KCNMB2: variants seen among roughly 807,000 people sequenced by gnomAD.
KCNMB2 encodes potassium calcium-activated channel subfamily M regulatory beta subunit 2.
In KCNMB2, 9 loss-of-function variants were observed where a neutral mutation model predicts 24.5. The ratio of observed to expected loss-of-function variants is 0.37; its 90% CI spans 0.22 to 0.64. KCNMB2 has a LOEUF of 0.64. Ranked by LOEUF, KCNMB2 falls within the 30% of genes least tolerant of loss-of-function variation. The pLI, the probability that KCNMB2 is intolerant of heterozygous loss-of-function variation, is 0.63. For synonymous variants in KCNMB2, 109 were observed against 104.4 expected (o/e 1.04, Z -0.27); for missense variants, 226 against 284.3 (o/e 0.79, Z 1.47).
At chr3:178,705,044 C>G (rs1559982224) in intron 1 of KCNMB2, among the ~76,000 whole-genome samples, 1 of 152,100 alleles carries the variant, frequency 6.6e-6, no homozygotes, top group Non-Finnish European at 1.5e-5. Flanking sequence ...AAGCTCCTTT[C>G]TAGGGTTTTC....
At chr3:178,612,966 A>G (rs1560130912) in intron 1 of KCNMB2, among the ~76,000 whole-genome samples, 1 of 152,132 alleles carries the variant, frequency 6.6e-6, no homozygotes, top group Non-Finnish European at 1.5e-5. Flanking sequence ...ATAACCCATT[A>G]TTTTAACCTG....
At chr3:178,775,990 A>C (rs1218347043) in intron 1 of KCNMB2, among the ~76,000 whole-genome samples, 1 of 152,182 alleles carries the variant, frequency 6.6e-6, no homozygotes, top group African/African-American at 2.4e-5. Flanking sequence ...CTCACCCTGC[A>C]GAATTTTCTT....
intron 1 of KCNMB2, among the ~76,000 whole-genome samples, chr3:178,682,746 C>A (rs1721313011): frequency 6.6e-6 from 1 of 151,206 alleles, no homozygotes. Flanking sequence ...TACAAGTAGC[C>A]AACAAACATA....
intron 1 of KCNMB2, among the ~76,000 whole-genome samples, chr3:178,691,991 C>A (rs1721698048): frequency 6.6e-6 from 1 of 152,128 alleles, no homozygotes; most frequent in African/African-American, 2.4e-5. Flanking sequence ...GATTTCATTT[C>A]TCTAATGGTC....
intron 1 of KCNMB2, among the ~76,000 whole-genome samples, chr3:178,705,431 C>T (rs1341239926): frequency 2.0e-5 from 3 of 152,036 alleles, no homozygotes; most frequent in Non-Finnish European, 4.4e-5. Flanking sequence ...GCTGGCCTAG[C>T]CAAGAACTTG....
chr3:178,757,739 TATATATATATAAGAGG>T (rs1478281303), intron 1 of KCNMB2, among the ~76,000 whole-genome samples: 8 of 85,180 alleles, frequency 9.4e-5, no homozygotes, highest in African/African-American at 3.1e-4. Flanking sequence ...TCCAAGAGGA[TATATATATATAAGAGG>T]ATATATATAT....
At chr3:178,554,110 C>T (rs1716047551) in intron 1 of KCNMB2, among the ~76,000 whole-genome samples, 1 of 151,446 alleles carries the variant, frequency 6.6e-6, no homozygotes, top group Non-Finnish European at 1.5e-5. Context: ...TTTTTAATAT[C>T]TGTTTCTCAG....
chr3:178,554,806 T>G (rs1716069880), intron 1 of KCNMB2, among the ~76,000 whole-genome samples: 1 of 152,234 alleles, frequency 6.6e-6, no homozygotes, highest in Non-Finnish European at 1.5e-5. Flanking sequence ...AAATTAGTAC[T>G]GATTACTATT....
chr3:178,767,036 A>T (rs1055815807), intron 1 of KCNMB2, among the ~76,000 whole-genome samples: 1 of 152,206 alleles, frequency 6.6e-6, no homozygotes, highest in African/African-American at 2.4e-5. Flanking sequence ...GTCATAATTG[A>T]TGTTACTGGC....
chr3:178,655,462 G>A (rs1386110032), intron 1 of KCNMB2, among the ~76,000 whole-genome samples: 1 of 152,158 alleles, frequency 6.6e-6, no homozygotes, highest in Non-Finnish European at 1.5e-5. Context: ...CCCAGATGGA[G>A]TGCTGAGAAA....
At chr3:178,772,231 T>C (rs1422393362) in intron 1 of KCNMB2, among the ~76,000 whole-genome samples, 1 of 152,232 alleles carries the variant, frequency 6.6e-6, no homozygotes, top group Non-Finnish European at 1.5e-5. Context: ...GCTTGAACCA[T>C]ATGACACTGC....
chr3:178,709,349 T>C (rs1722379780), intron 1 of KCNMB2, among the ~76,000 whole-genome samples: 1 of 152,206 alleles, frequency 6.6e-6, no homozygotes, highest in African/African-American at 2.4e-5. Flanking sequence ...CGTGGCTAAA[T>C]CACCTGGGCT....
At chr3:178,760,518 G>A (rs1424640864) in intron 1 of KCNMB2, among the ~76,000 whole-genome samples, 1 of 145,610 alleles carries the variant, frequency 6.9e-6, no homozygotes, top group Non-Finnish European at 1.5e-5. Context: ...GTGTGTGTGT[G>A]TGTGTGTGTG....
chr3:178,640,475 A>G (rs766100446), intron 1 of KCNMB2, among the ~76,000 whole-genome samples: 7 of 152,176 alleles, frequency 4.6e-5, no homozygotes, highest in Non-Finnish European at 1.0e-4. Flanking sequence ...CGCCCCCATG[A>G]TCCAAACACT....
chr3:178,736,323 A>G (rs1723316135), intron 1 of KCNMB2, among the ~76,000 whole-genome samples: 1 of 152,198 alleles, frequency 6.6e-6, no homozygotes, highest in African/African-American at 2.4e-5. Context: ...TTTAAATACC[A>G]AGGCCATGAT....
At chr3:178,783,899 T>G (rs1051604578) in intron 1 of KCNMB2, among the ~76,000 whole-genome samples, 1 of 152,224 alleles carries the variant, frequency 6.6e-6, no homozygotes, top group Non-Finnish European at 1.5e-5. Context: ...TTCCAGTTTT[T>G]GTCCATTCAG....
chr3:178,586,538 CTTTTT>C (rs10677144), intron 1 of KCNMB2, among the ~76,000 whole-genome samples: 4 of 68,494 alleles, frequency 5.8e-5, no homozygotes, highest in African/African-American at 2.3e-4. Context: ...TTTTTTCTTT[CTTTTT>C]TTTTTTTTTT....
chr3:178,807,571 T>C (rs1025769083), intron 2 of KCNMB2, 106 bp downstream of exon 2: 3 of 927,324 alleles, frequency 3.2e-6, no homozygotes, highest in Admixed American at 1.8e-5. Flanking sequence ...TGCTTTGCAA[T>C]GTGGGGACAG....
chr3:178,643,665 C>T (rs114695372), intron 1 of KCNMB2, among the ~76,000 whole-genome samples: 1 of 152,194 alleles, frequency 6.6e-6, no homozygotes, highest in African/African-American at 2.4e-5. Flanking sequence ...CTGATCTCCC[C>T]AGCCCACAGG....
Sources: allele counts gnomAD v4.1 joint callset (sites outside exome capture counted in the v4.1 genomes callset), GRCh38; gene constraint gnomAD v4.1.1; transcripts MANE v1.5; gene names NCBI Gene and HGNC (gene_info 2026-07-23, HGNC 2026-07-21).